Variants in CNTNAP4 observed in about 807,000 individuals in gnomAD.
CNTNAP4 encodes the protein contactin associated protein family member 4.
Under a neutral mutation model 148.4 loss-of-function variants are expected in CNTNAP4, and 98 were observed. That is an observed-to-expected ratio of 0.66 (90% CI 0.56 to 0.78). The LOEUF is 0.78. CNTNAP4 is among the 30% of genes least tolerant of loss of function. The pLI is 0.00. For missense variants in CNTNAP4, 1,935 were observed against 1,565.6 expected (o/e 1.24, Z -3.98); for synonymous variants, 730 against 565.1 (o/e 1.29, Z -4.14).
At chr16:76,347,547 G>A (rs1338383054) in intron 2 of CNTNAP4, among the ~76,000 whole-genome samples, 2 of 152,162 alleles carry the variant, frequency 1.3e-5, no homozygotes, top group Non-Finnish European at 2.9e-5. Flanking sequence ...AAGTGGTTCA[G>A]GGGAAGACAA....
At chr16:76,433,686 TA>T (rs1405526270) in intron 4 of CNTNAP4, among the ~76,000 whole-genome samples, 1 of 152,220 alleles carries the variant, frequency 6.6e-6, no homozygotes, top group African/African-American at 2.4e-5. Flanking sequence ...CCTGTCTGGT[TA>T]GGGGGAAGAA....
At chr16:76,478,117 A>G (rs1377812343) in intron 11 of CNTNAP4, among the ~76,000 whole-genome samples, 2 of 147,428 alleles carry the variant, frequency 1.4e-5, no homozygotes, top group Non-Finnish European at 3.0e-5. Context: ...TGTTTTAAAA[A>G]GTCAAGCCAT....
rs974911371 is a variant in CNTNAP4 at position 76,560,691 on chromosome 16, A to G, written c.*2008A>G. 7.9e-5 allele frequency among the ~76,000 whole-genome samples: 12 copies of G among 152,204 alleles called. No individual in the cohort carries two copies. Among genetic ancestry groups the G allele is most frequent in the African/African-American group, 2.4e-4 (10 of 41,450 alleles). On this transcript the variant is annotated 3_prime_UTR_variant, in exon 24 of 24. Transcript: ENST00000611870. ...GAAATGCATTGACACATCCTATGCC[A>G]TGACTTTAATTTCCTGATTTGTAAT... is the stretch of plus-strand genomic sequence containing the variant.
intron 2 of CNTNAP4, among the ~76,000 whole-genome samples, chr16:76,332,479 G>T (rs879558864): frequency 2.0e-5 from 3 of 152,004 alleles, no homozygotes; most frequent in South Asian, 4.1e-4. Context: ...GCCTAGGCTG[G>T]TCTTGAACTC....
intron 12 of CNTNAP4, among the ~76,000 whole-genome samples, chr16:76,483,875 A>T (rs2081930456): frequency 1.3e-5 from 2 of 152,210 alleles, no homozygotes; most frequent in South Asian, 4.1e-4. Flanking sequence ...AAGTAGGCAA[A>T]TTCACAAGTA....
At position 76,370,030 on chromosome 16, in the gene CNTNAP4, A is replaced by G. The variant is rs555119285; in HGVS notation, c.390+14519A>G. ...CCTCACAGACATACTCAGAAATAAT[A>G]TTTTGCCAGCTGTCTGGGTACACCT... On this transcript the variant is annotated intron_variant, in intron 3 of 23. Transcript: ENST00000611870. Among the ~76,000 whole-genome samples, 64 of 152,322 alleles carry G rather than the reference A, an allele frequency of 4.2e-4. 1 individual carries two copies. The South Asian group carries it at 0.011, about 27-fold the overall frequency.
intron 15 of CNTNAP4, among the ~76,000 whole-genome samples, chr16:76,519,250 A>G (rs1248002579): frequency 1.3e-5 from 2 of 152,206 alleles, no homozygotes; most frequent in Non-Finnish European, 2.9e-5. Flanking sequence ...ATTATTATGT[A>G]TATGAGAGTG....
intron 1 of CNTNAP4, among the ~76,000 whole-genome samples, chr16:76,302,639 C>T (rs529353236): frequency 6.6e-6 from 1 of 152,090 alleles, no homozygotes; most frequent in Non-Finnish European, 1.5e-5. Context: ...AAATTAAGGA[C>T]CTCAATTAAT....
chr16:76,470,179 C>T (rs2081313638), intron 10 of CNTNAP4, among the ~76,000 whole-genome samples: 1 of 152,042 alleles, frequency 6.6e-6, no homozygotes, highest in African/African-American at 2.4e-5. Flanking sequence ...AAGGCAGAGC[C>T]CAGCCTCTAA....
At chr16:76,541,434 A>G (rs1597113161) in intron 21 of CNTNAP4, among the ~76,000 whole-genome samples, 1 of 152,352 alleles carries the variant, frequency 6.6e-6, no homozygotes, top group East Asian at 1.9e-4. Flanking sequence ...ATTGAAAAGT[A>G]AATTTTAATA....
chr16:76,477,654 T>TATTG (rs985455401), intron 11 of CNTNAP4, among the ~76,000 whole-genome samples: 3 of 152,144 alleles, frequency 2.0e-5, no homozygotes, highest in Admixed American at 2.0e-4. Flanking sequence ...TTATGAAGAA[T>TATTG]ATTGGCTGGT....
At chr16:76,414,469 A>G (rs1346586522) in intron 3 of CNTNAP4, among the ~76,000 whole-genome samples, 4 of 151,126 alleles carry the variant, frequency 2.6e-5, no homozygotes, top group Admixed American at 6.6e-5. Context: ...TTCATGGGTA[A>G]GATCGACTTT....
rs753794997 is a variant in CNTNAP4 at position 76,316,534 on chromosome 16, T to C, written c.196+11T>C. 6 of 1,563,382 alleles carry C rather than the reference T, an allele frequency of 3.8e-6. No homozygotes were observed. In the Admixed American group the frequency reaches 1.0e-4, roughly 26 times the overall value. On this transcript the variant is annotated intron_variant, in intron 2 of 23. Coordinates refer to ENST00000611870, the MANE Select transcript of CNTNAP4 (RefSeq NM_033401.5). The stretch of plus-strand genomic sequence containing the variant: ...TGAATAGAAGAGATGGTAAGTCTGC[T>C]TTTCTCCTCTGACTGGCCCATAGAA...
At chr16:76,523,243 C>T (rs1050849764) in intron 17 of CNTNAP4, among the ~76,000 whole-genome samples, 1 of 133,756 alleles carries the variant, frequency 7.5e-6, no homozygotes, top group Non-Finnish European at 1.6e-5. Flanking sequence ...CCCCGGCCCC[C>T]CCGCCCCACC....
rs528397182 is a variant in CNTNAP4 at position 76,305,013 on chromosome 16, A to C, written c.86-11400A>C. Among the ~76,000 whole-genome samples, 3 of 152,292 alleles carry C rather than the reference A, an allele frequency of 2.0e-5. No homozygotes were observed. The East Asian group carries it at 5.8e-4, about 29-fold the overall frequency. On this transcript the variant is annotated intron_variant, in intron 1 of 23. Transcript: ENST00000611870. ...AGTTTGTTTAATCACTCACCTGTTG[A>C]AGTGAGGTTGGACTGCTATGAACAT...
chr16:76,408,276 G>C (rs2078670928), intron 3 of CNTNAP4, among the ~76,000 whole-genome samples: 1 of 149,452 alleles, frequency 6.7e-6, no homozygotes, highest in African/African-American at 2.6e-5. Flanking sequence ...GATAAGTAAA[G>C]AAATGTTATA....
intron 3 of CNTNAP4, among the ~76,000 whole-genome samples, chr16:76,360,826 T>G (rs2013331505): frequency 6.7e-6 from 1 of 149,554 alleles, no homozygotes; most frequent in Non-Finnish European, 1.5e-5. Flanking sequence ...TTTTTTTTTT[T>G]TTTTTTTTGA....
intron 2 of CNTNAP4, among the ~76,000 whole-genome samples, chr16:76,346,477 T>G (rs1355133906): frequency 6.6e-6 from 1 of 151,572 alleles, no homozygotes; most frequent in Non-Finnish European, 1.5e-5. Flanking sequence ...AAAAATGGTT[T>G]TTAAATTTCT....
At chr16:76,343,448 C>G (rs1428164922) in intron 2 of CNTNAP4, among the ~76,000 whole-genome samples, 2 of 152,188 alleles carry the variant, frequency 1.3e-5, no homozygotes, top group African/African-American at 4.8e-5. Flanking sequence ...CATGCTCCCT[C>G]AAAACCCTGA....
Sources: gnomAD v4.1 joint callset for allele counts (sites outside exome capture counted in the v4.1 genomes callset) on GRCh38, gnomAD v4.1.1 for gene constraint, MANE v1.5 for transcripts, NCBI Gene and HGNC (gene_info 2026-07-23, HGNC 2026-07-21) for gene names.